Variants in NDST4 observed in about 807,000 individuals in gnomAD.
The protein encoded by NDST4 is N-deacetylase and N-sulfotransferase 4, also known as N-heparan sulfate sulfotransferase 4.
A neutral mutation model predicts 100.8 loss-of-function variants in NDST4; 63 were observed. That is an observed-to-expected ratio of 0.62 (90% CI 0.51 to 0.77). NDST4 has a LOEUF of 0.77. NDST4 is among the 30% of genes least tolerant of loss of function. The pLI, the probability that NDST4 is intolerant of heterozygous loss-of-function variation, is 0.00. For synonymous variants in NDST4, 377 were observed against 361.8 expected, an observed-to-expected ratio of 1.04 and a Z score of -0.48; for missense variants, 943 against 1,018.4, an observed-to-expected ratio of 0.93 and a Z score of 1.01.
intron 2 of NDST4, among the ~76,000 whole-genome samples, chr4:115,074,083 T>A (rs1729131993): frequency 6.6e-6 from 1 of 151,940 alleles, no homozygotes; most frequent in Non-Finnish European, 1.5e-5. Flanking sequence ...TATAATTCTA[T>A]CCATATGAAC....
chr4:115,010,916 T>A (rs1181442514), intron 2 of NDST4, among the ~76,000 whole-genome samples: 1 of 152,094 alleles, frequency 6.6e-6, no homozygotes, highest in African/African-American at 2.4e-5. Flanking sequence ...TACAAATTTA[T>A]AACCATTTGA....
chr4:115,006,047 A>AAAG (rs1370155635), intron 2 of NDST4, among the ~76,000 whole-genome samples: 5 of 126,584 alleles, frequency 3.9e-5, no homozygotes, highest in African/African-American at 1.5e-4. Flanking sequence ...AAAAAAAAAA[A>AAAG]AAGAAGAAGA....
chr4:115,058,100 A>G (rs1216406577), intron 2 of NDST4, among the ~76,000 whole-genome samples: 15 of 152,180 alleles, frequency 9.9e-5, no homozygotes, highest in Non-Finnish European at 2.9e-5. Context: ...AAAAACATCC[A>G]GAAAGTATTT....
chr4:114,847,184 G>T (rs902838428), intron 9 of NDST4, among the ~76,000 whole-genome samples: 1 of 144,530 alleles, frequency 6.9e-6, no homozygotes. Context: ...AGACCATCCC[G>T]GCTAAAACGG....
intron 2 of NDST4, among the ~76,000 whole-genome samples, chr4:115,003,051 G>A (rs1278888067): frequency 2.6e-5 from 4 of 152,074 alleles, no homozygotes; most frequent in African/African-American, 9.7e-5. Flanking sequence ...ATACAGGGAG[G>A]GGAACATCAT....
intron 4 of NDST4, among the ~76,000 whole-genome samples, chr4:114,967,788 T>TA (rs869276464): frequency 3.3e-5 from 5 of 152,026 alleles, no homozygotes; most frequent in South Asian, 2.1e-4. Context: ...ATATTTTTTT[T>TA]AAAAAAAATT....
rs374923165 is a variant in NDST4 at position 114,879,970 on chromosome 4, G to T, written c.1537-9020C>A. 2.6e-3 allele frequency among the ~76,000 whole-genome samples: 390 copies of T among 152,214 alleles called. 1 individual carries two copies. Among genetic ancestry groups the T allele is most frequent in the African/African-American group, 9.0e-3 (373 of 41,532 alleles). On this transcript the variant is annotated intron_variant, in intron 6 of 13. Coordinates refer to ENST00000264363, the MANE Select transcript of NDST4 (RefSeq NM_022569.3). ...TCCCAGTTTTTCAGTCATAATATTT[G>T]GTTAGTGCATTATTAACAAATCAAA... is the stretch of plus-strand genomic sequence containing the variant.
intron 6 of NDST4, among the ~76,000 whole-genome samples, chr4:114,892,237 A>C (rs1724613384): frequency 6.6e-6 from 1 of 152,150 alleles, no homozygotes; most frequent in Non-Finnish European, 1.5e-5. Flanking sequence ...ATGGAATTTA[A>C]GAGTTGGTAA....
chr4:114,992,551 T>G (rs1319612601), intron 2 of NDST4, among the ~76,000 whole-genome samples: 3 of 151,774 alleles, frequency 2.0e-5, no homozygotes. Context: ...GAAGGTTTTT[T>G]TTTTTTTTCA....
In NDST4 at chr4:115,010,402, T is replaced by A. The variant is rs1242936851; in HGVS notation, c.979-33128A>T. ...TCCTCTGTAAGGACATGGATGAAAT[T>A]TGAAATCATCATTCTCAGTAAGCTA... On this transcript the variant is annotated intron_variant, in intron 2 of 13. Coordinates refer to ENST00000264363, the MANE Select transcript of NDST4 (RefSeq NM_022569.3). Among the ~76,000 whole-genome samples the A allele has an allele frequency of 6.2e-5, 8 of 128,134 alleles. 2 individuals are homozygous for A. Among genetic ancestry groups the A allele is most frequent in the Admixed American group, 1.6e-4 (2 of 12,590 alleles). 84.1% of individuals were successfully genotyped at this position (128,134 alleles called of 152,430 possible). A position where few individuals can be genotyped will look rare whatever the true frequency, so the allele number is the denominator to read the frequency against.
intron 2 of NDST4, among the ~76,000 whole-genome samples, chr4:115,026,171 T>A (rs1224718551): frequency 6.6e-6 from 1 of 152,146 alleles, no homozygotes; most frequent in East Asian, 1.9e-4. Flanking sequence ...TTTTCTATAG[T>A]ATAAGAAACA....
intron 2 of NDST4, among the ~76,000 whole-genome samples, chr4:114,978,519 C>CT (rs1726688037): frequency 6.6e-6 from 1 of 151,908 alleles, no homozygotes; most frequent in African/African-American, 2.4e-5. Flanking sequence ...GAAATAGAAC[C>CT]ACTAGCTTAA....
At chr4:114,932,124 C>A (rs1225368063) in intron 6 of NDST4, among the ~76,000 whole-genome samples, 3 of 151,770 alleles carry the variant, frequency 2.0e-5, no homozygotes, top group Non-Finnish European at 3.0e-5. Context: ...AATTCAATAC[C>A]AAATCAAAAC....
In NDST4 at chr4:115,076,252, A is replaced by G. The variant is rs1729179268; in HGVS notation, c.785T>C (p.Leu262Pro). ...AAGTACTCTCTGAATTCCATCATGA[A>G]GCCCCAGATCCTGAATCACCGTTGC... ...LFATVIQDLGLHDGIQRVLFG... is the reference protein window; with the variant it reads ...LFATVIQDLGPHDGIQRVLFG... Residue 262 changes from leucine (L) to proline (P), a missense_variant, in exon 2 of 14, where the codon CTT (leucine) becomes CCT (proline). Leu to Pro is a moderately conservative substitution (Grantham distance 98). Around this residue, in one of 2 missense-constraint regions of NDST4, gnomAD observed 417 missense variants for 384.2 expected, o/e 1.09. Transcript: ENST00000264363. 6.2e-7 allele frequency: 1 copy of G among 1,613,876 alleles called. No homozygotes were observed. The highest frequency in any genetic ancestry group is 1.7e-5 in the Admixed American group (1 of 59,982).
chr4:115,068,815 CAAAAA>C (rs34003720), intron 2 of NDST4, among the ~76,000 whole-genome samples: 1 of 77,618 alleles, frequency 1.3e-5, no homozygotes, highest in Admixed American at 1.4e-4. Context: ...GGCTCCATCT[CAAAAA>C]AAAAAAAAAA....
intron 1 of NDST4, among the ~76,000 whole-genome samples, chr4:115,082,543 G>A (rs1021811650): frequency 1.3e-5 from 2 of 152,114 alleles, no homozygotes; most frequent in African/African-American, 4.8e-5. Context: ...GAGCTGTACA[G>A]ATCACTAAAG....
intron 1 of NDST4, among the ~76,000 whole-genome samples, chr4:115,110,235 T>C (rs1054422698): frequency 1.1e-4 from 16 of 152,062 alleles, no homozygotes; most frequent in African/African-American, 2.6e-4. Flanking sequence ...TTCTTAAGCT[T>C]GCTGAAAATA....
chr4:115,031,029 A>C (rs113851282), intron 2 of NDST4, among the ~76,000 whole-genome samples: 1,719 of 152,088 alleles, frequency 0.011, 27 homozygotes, highest in African/African-American at 0.028. Flanking sequence ...CTTCTCTAAT[A>C]CTCTTTGATA....
intron 1 of NDST4, among the ~76,000 whole-genome samples, chr4:115,081,512 T>C (rs1729301984): frequency 1.3e-5 from 2 of 152,062 alleles, no homozygotes; most frequent in African/African-American, 4.8e-5. Flanking sequence ...GGAGTATGGA[T>C]AGGGAGAGCA....
Sources: allele counts gnomAD v4.1 joint callset (sites outside exome capture counted in the v4.1 genomes callset), GRCh38; gene constraint gnomAD v4.1.1; regional missense constraint gnomAD v4.1.1; transcripts MANE v1.5; gene names NCBI Gene and HGNC (gene_info 2026-07-23, HGNC 2026-07-21).